ST14: variants seen among roughly 807,000 people sequenced by gnomAD.
ST14 encodes the protein suppressor of tumorigenicity 14 protein.
Under a neutral mutation model 96.5 loss-of-function variants are expected in ST14, and 40 were observed. That is an observed-to-expected ratio of 0.41 (90% CI 0.32 to 0.54). The LOEUF is 0.54. ST14 is among the 20% of genes least tolerant of loss of function. The probability of loss-of-function intolerance (pLI) is 0.17; values close to 1 mark genes in which losing one functional copy is unlikely to be tolerated. For missense variants in ST14, 1,066 were observed against 1,188.9 expected, an observed-to-expected ratio of 0.90 and a Z score of 1.52; for synonymous variants, 506 against 492.1, an observed-to-expected ratio of 1.03 and a Z score of -0.37.
At chr11:130,198,848 G>A (rs1953397774) in intron 14 of ST14, 99 bp from the exon 15 acceptor site, 34 of 1,606,510 alleles carry the variant, frequency 2.1e-5, no homozygotes, top group Non-Finnish European at 2.5e-5. Context: ...GGGTGAGGGG[G>A]TAATGTGCAG....
At chr11:130,172,643 T>A (rs1304686431) in intron 1 of ST14, among the ~76,000 whole-genome samples, 1 of 151,140 alleles carries the variant, frequency 6.6e-6, no homozygotes, top group Non-Finnish European at 1.5e-5. Context: ...GGTCTTGATC[T>A]CCTAATCTCG....
At chr11:130,189,081 C>G in intron 4 of ST14, 142 bp downstream of exon 4, 1 of 895,604 alleles carries the variant, frequency 1.1e-6, no homozygotes, top group Non-Finnish European at 1.8e-6. Context: ...GCTGTGTCCT[C>G]CTGTGCGTTA....
At chr11:130,185,498 A>G (rs1953229301) in intron 1 of ST14, among the ~76,000 whole-genome samples, 1 of 152,152 alleles carries the variant, frequency 6.6e-6, no homozygotes, top group South Asian at 2.1e-4. Context: ...ACAAAAAATT[A>G]GAAAAAAATT....
chr11:130,173,274 G>A (rs1953109108), intron 1 of ST14, among the ~76,000 whole-genome samples: 1 of 152,116 alleles, frequency 6.6e-6, no homozygotes, highest in South Asian at 2.1e-4. Flanking sequence ...TGGTCTGGTG[G>A]AGCAGCTGAA....
At chr11:130,164,060 C>A (rs1953023072) in intron 1 of ST14, among the ~76,000 whole-genome samples, 1 of 152,212 alleles carries the variant, frequency 6.6e-6, no homozygotes, top group African/African-American at 2.4e-5. Flanking sequence ...GATGTCTGCT[C>A]CTTCTCTGGT....
In ST14 at chr11:130,188,906, C is replaced by T. The variant is rs764906202; in HGVS notation, c.407C>T (p.Pro136Leu). ...LLYSGVPFLG[P>L]YHKESAVTAF... Reference sequence around the variant, plus strand: ...TACAGCGGAGTCCCATTCCTGGGCCCCTACCACAAGGAGTCGGCTGTGACG... The same window carrying T: ...TACAGCGGAGTCCCATTCCTGGGCCTCTACCACAAGGAGTCGGCTGTGACG... Residue 136 changes from proline (P) to leucine (L), a missense_variant, in exon 4 of 19, where the codon CCC (proline) becomes CTC (leucine). Physicochemically the swap from Pro to Leu is moderately conservative, Grantham distance 98 (BLOSUM62 -3). Coordinates refer to ENST00000278742, the MANE Select transcript of ST14 (RefSeq NM_021978.4). This position sits in a 1 kb window ranked among gnomAD's most constrained non-coding sequence, Gnocchi z 5.4. 4.3e-6 allele frequency: 7 copies of T among 1,612,618 alleles called. No individual in the cohort carries two copies. The highest frequency in any genetic ancestry group is 3.3e-5 in the South Asian group (3 of 90,588).
At chr11:130,168,364 T>G (rs1180527581) in intron 1 of ST14, among the ~76,000 whole-genome samples, 2 of 152,120 alleles carry the variant, frequency 1.3e-5, no homozygotes, top group African/African-American at 4.8e-5. Context: ...AGAAAACATT[T>G]TGTTTGAATG....
At chr11:130,161,697 G>A (rs565266597) in intron 1 of ST14, among the ~76,000 whole-genome samples, 12 of 152,118 alleles carry the variant, frequency 7.9e-5, no homozygotes, top group African/African-American at 2.4e-4. Flanking sequence ...TGCTCTCTGC[G>A]CCCTTGGGCT....
chr11:130,189,494 C>T (rs1242405967), intron 4 of ST14: 2 of 576,988 alleles, frequency 3.5e-6, no homozygotes, highest in Admixed American at 3.0e-5. Context: ...CCTCCTCATT[C>T]CTACCCCTGA....
intron 1 of ST14, among the ~76,000 whole-genome samples, chr11:130,179,980 G>A (rs535804503): frequency 2.6e-5 from 4 of 152,292 alleles, no homozygotes; most frequent in South Asian, 2.1e-4. Flanking sequence ...GCAGGTGCTC[G>A]GGCTCTACTT....
intron 1 of ST14, among the ~76,000 whole-genome samples, chr11:130,186,905 C>G (rs1010876898): frequency 6.6e-6 from 1 of 152,118 alleles, no homozygotes; most frequent in Non-Finnish European, 1.5e-5. Context: ...GGGTGTGTTT[C>G]TGTGTGTGAT....
rs191404689 is a variant in ST14, at chr11:130,189,848, C to A, written c.550C>A (p.Arg184=). The A allele has an allele frequency of 6.2e-7, 1 of 1,613,880 alleles. No homozygotes were observed. The highest frequency in any genetic ancestry group is 8.5e-7 in the Non-Finnish European group (1 of 1,179,944). ...AEERVVMLPP[R]ARSLKSFVVT... is the part of the protein sequence containing the mutation. Reference sequence around the variant, plus strand: ...GGAGCGCGTAGTCATGCTGCCCCCGCGGGCGCGCTCCCTGAAGTCCTTTGT... The same window carrying A: ...GGAGCGCGTAGTCATGCTGCCCCCGAGGGCGCGCTCCCTGAAGTCCTTTGT... The change falls in exon 5 of 19, where the codon CGG becomes AGG. Residue 184 remains arginine, a synonymous_variant. Coordinates refer to ENST00000278742, the MANE Select transcript of ST14 (RefSeq NM_021978.4).
intron 9 of ST14, 147 bp from the exon 10 acceptor site, chr11:130,196,192 A>C: frequency 3.1e-6 from 2 of 651,716 alleles, no homozygotes; most frequent in Admixed American, 2.2e-5. Flanking sequence ...CAAACAAACA[A>C]ACACGCTGGG....
chr11:130,170,526 C>T (rs931620114), intron 1 of ST14, among the ~76,000 whole-genome samples: 15 of 152,112 alleles, frequency 9.9e-5, no homozygotes, highest in African/African-American at 2.2e-4. Context: ...GGAGAAAGTA[C>T]GGTGGCTTGT....
intron 7 of ST14, among the ~76,000 whole-genome samples, chr11:130,191,984 C>T (rs1194300419): frequency 6.6e-6 from 1 of 152,180 alleles, no homozygotes; most frequent in Admixed American, 6.5e-5. Flanking sequence ...GCCAGCCTTC[C>T]ACAGTCAGCA....
intron 1 of ST14, among the ~76,000 whole-genome samples, chr11:130,176,552 C>A (rs517378): frequency 2.0e-5 from 3 of 151,980 alleles, no homozygotes; most frequent in Non-Finnish European, 4.4e-5. Flanking sequence ...CCACACCCAG[C>A]TAATTTTTTG....
At position 130,209,558 on chromosome 11, in the gene ST14, G is replaced by A. The variant is rs749077731; in HGVS notation, c.2386G>A (p.Gly796Ser). Residue 796 changes from glycine (G) to serine (S), a missense_variant, in exon 18 of 19, where the codon GGC becomes AGC. Physicochemically the swap from Gly to Ser is moderately conservative, Grantham distance 56. Coordinates refer to ENST00000278742, the MANE Select transcript of ST14 (RefSeq NM_021978.4). ...PRMMCVGFLSGGVDSCQGDSG... is the reference protein window; with the variant it reads ...PRMMCVGFLSSGVDSCQGDSG... ...CATGATGTGCGTGGGCTTCCTCAGC[G>A]GCGGCGTGGACTCCTGCCAGGTGGC... The A allele has an allele frequency of 1.3e-5, 20 of 1,574,438 alleles. No individual in the cohort carries two copies. Among genetic ancestry groups the A allele is most frequent in the African/African-American group, 4.0e-5 (3 of 74,114 alleles).
chr11:130,172,988 T>C (rs1953106682), intron 1 of ST14, among the ~76,000 whole-genome samples: 1 of 152,162 alleles, frequency 6.6e-6, no homozygotes, highest in Non-Finnish European at 1.5e-5. Flanking sequence ...ACTCTCTTCT[T>C]TCCTTTCTGG....
At chr11:130,194,344 C>A in intron 8 of ST14, 56 bp downstream of exon 8, 2 of 1,608,836 alleles carry the variant, frequency 1.2e-6, no homozygotes, top group African/African-American at 1.3e-5. Context: ...AAGGGGAAGG[C>A]CTTAGTGGGG....
Sources: allele counts gnomAD v4.1 joint callset (sites outside exome capture counted in the v4.1 genomes callset), GRCh38; gene constraint gnomAD v4.1.1; non-coding constraint Gnocchi (gnomAD v3.1); transcripts MANE v1.5; gene names NCBI Gene and HGNC (gene_info 2026-07-23, HGNC 2026-07-21).